ZNF385D: variants seen among roughly 807,000 people sequenced by gnomAD.
ZNF385D encodes the protein zinc finger protein 659.
In ZNF385D, 15 loss-of-function variants were observed where a neutral mutation model predicts 35.8. The observed-to-expected ratio is 0.42, with a 90% CI of 0.28 to 0.64. ZNF385D has a LOEUF of 0.64. ZNF385D is among the 30% of genes least tolerant of loss of function. ZNF385D has a pLI of 0.23. For missense variants in ZNF385D, 474 were observed against 494.6 expected (o/e 0.96, Z 0.39); for synonymous variants, 212 against 186.8 (o/e 1.13, Z -1.10).
intron 3 of ZNF385D, among the ~76,000 whole-genome samples, chr3:21,993,776 A>G (rs950416251): frequency 6.6e-6 from 1 of 152,214 alleles, no homozygotes; most frequent in African/African-American, 2.4e-5. Flanking sequence ...ATTGCTTCCA[A>G]TGGGACACTG....
intron 3 of ZNF385D, among the ~76,000 whole-genome samples, chr3:21,976,779 T>A (rs1703651050): frequency 6.6e-6 from 1 of 152,172 alleles, no homozygotes; most frequent in Non-Finnish European, 1.5e-5. Context: ...GATCATGAGG[T>A]CAGGAGTTCG....
chr3:21,982,993 A>T (rs2125374838), intron 3 of ZNF385D, among the ~76,000 whole-genome samples: 1 of 152,054 alleles, frequency 6.6e-6, no homozygotes, highest in Admixed American at 6.5e-5. Flanking sequence ...TTGGTTTGCG[A>T]GTATTTTGCT....
At chr3:21,585,426 T>G (rs2063781700) in intron 2 of ZNF385D, among the ~76,000 whole-genome samples, 1 of 152,202 alleles carries the variant, frequency 6.6e-6, no homozygotes, top group Non-Finnish European at 1.5e-5. Context: ...AAATTTCCTT[T>G]GTCTTTTAAG....
chr3:21,473,169 A>G (rs570483053), intron 4 of ZNF385D, among the ~76,000 whole-genome samples: 12 of 152,044 alleles, frequency 7.9e-5, no homozygotes, highest in African/African-American at 2.7e-4. Context: ...TATTGTTTTA[A>G]AAGTGCAACT....
intron 3 of ZNF385D, among the ~76,000 whole-genome samples, chr3:22,111,262 C>T (rs1239669689): frequency 7.6e-6 from 1 of 132,398 alleles, no homozygotes; most frequent in African/African-American, 2.8e-5. Flanking sequence ...TACGAGTATT[C>T]AAGAAAAGAT....
chr3:21,848,503 A>G (rs12489919), intron 3 of ZNF385D, among the ~76,000 whole-genome samples: 1 of 151,702 alleles, frequency 6.6e-6, no homozygotes, highest in Non-Finnish European at 1.5e-5. Context: ...TACCTAAAAT[A>G]AGAAAAAAAG....
intron 3 of ZNF385D, among the ~76,000 whole-genome samples, chr3:21,759,982 G>A (rs1183626193): frequency 3.3e-5 from 5 of 152,138 alleles, no homozygotes; most frequent in African/African-American, 1.2e-4. Flanking sequence ...ATAATTCTGT[G>A]CCTCCAGTCA....
At chr3:21,772,431 A>G (rs964802129) in intron 3 of ZNF385D, among the ~76,000 whole-genome samples, 8 of 151,998 alleles carry the variant, frequency 5.3e-5, no homozygotes, top group African/African-American at 1.7e-4. Context: ...ACTTGAATAA[A>G]TATTTTTCCA....
chr3:21,640,248 T>C (rs1212911554), intron 2 of ZNF385D, among the ~76,000 whole-genome samples: 3 of 152,054 alleles, frequency 2.0e-5, no homozygotes, highest in African/African-American at 7.2e-5. Context: ...GGCCTTGTTC[T>C]TTGGTTCCCT....
chr3:22,332,176 T>C (rs1410481698), intron 2 of ZNF385D, among the ~76,000 whole-genome samples: 1 of 152,160 alleles, frequency 6.6e-6, no homozygotes, highest in Non-Finnish European at 1.5e-5. Context: ...ATGCAGGATG[T>C]GTTTATTGTT....
chr3:21,905,227 A>C (rs911148585), intron 3 of ZNF385D, among the ~76,000 whole-genome samples: 1 of 147,074 alleles, frequency 6.8e-6, no homozygotes, highest in Non-Finnish European at 1.5e-5. Context: ...AAAAAAAAAA[A>C]ACCCTAAACC....
intron 3 of ZNF385D, among the ~76,000 whole-genome samples, chr3:22,008,166 T>G (rs1209921241): frequency 1.3e-5 from 2 of 152,102 alleles, no homozygotes. Flanking sequence ...GAACCGAAGC[T>G]CCTCATAAAA....
chr3:22,165,886 T>C (rs1009363359), intron 3 of ZNF385D, among the ~76,000 whole-genome samples: 1 of 152,200 alleles, frequency 6.6e-6, no homozygotes, highest in African/African-American at 2.4e-5. Flanking sequence ...ACTTCAAGTA[T>C]CATCACTTTC....
intron 2 of ZNF385D, among the ~76,000 whole-genome samples, chr3:22,229,712 C>T (rs149524748): frequency 1.3e-5 from 2 of 152,190 alleles, no homozygotes; most frequent in African/African-American, 4.8e-5. Context: ...TGGACGACCA[C>T]CTACAGCAAT....
In ZNF385D at chr3:22,174,372, G is replaced by A. The variant is rs147484702; in HGVS notation, c.107-5337C>T. On this transcript the variant is annotated intron_variant, in intron 2 of 5. Coordinates refer to the ZNF385D transcript ENST00000494108. ...GAATCTCAAGTTTCTAAGACAATCT[G>A]AATTGACAATGAAACGTCTGTAGAT... 1.7e-3 allele frequency among the ~76,000 whole-genome samples: 252 copies of A among 152,218 alleles called. 3 individuals are homozygous for A. The highest frequency in any genetic ancestry group is 9.5e-3 in the East Asian group (49 of 5,180).
At chr3:21,592,708 T>C (rs1003586726) in intron 2 of ZNF385D, among the ~76,000 whole-genome samples, 6 of 152,190 alleles carry the variant, frequency 3.9e-5, no homozygotes, top group African/African-American at 1.4e-4. Context: ...GAATGGCAAC[T>C]TCTGTTTTAG....
At chr3:21,863,811 T>G (rs1014654119) in intron 3 of ZNF385D, among the ~76,000 whole-genome samples, 5 of 152,138 alleles carry the variant, frequency 3.3e-5, no homozygotes, top group Non-Finnish European at 7.4e-5. Flanking sequence ...ACTCTATTAG[T>G]GTATCTGTGC....
At chr3:21,691,069 T>C (rs2067268058) in intron 1 of ZNF385D, among the ~76,000 whole-genome samples, 1 of 152,132 alleles carries the variant, frequency 6.6e-6, no homozygotes, top group African/African-American at 2.4e-5. Context: ...TTCCTTTCTT[T>C]CCGCTCTAGC....
rs1352626834 is a variant in ZNF385D, at chr3:21,423,950, A to C, written c.954+13T>G. The C allele has an allele frequency of 6.2e-7, 1 of 1,604,862 alleles. No individual in the cohort carries two copies. Among genetic ancestry groups the C allele is most frequent in the African/African-American group, 1.3e-5 (1 of 74,470 alleles). On this transcript the variant is annotated intron_variant, in intron 7 of 7. Transcript: ENST00000281523. The stretch of plus-strand genomic sequence containing the variant: ...TGGGAATAGAGGCTGGACTCTTGCA[A>C]AATGACACTCACCCCCAGTGGATGT...
Sources: gnomAD v4.1 joint callset for allele counts (sites outside exome capture counted in the v4.1 genomes callset) on GRCh38, gnomAD v4.1.1 for gene constraint, MANE v1.5 for transcripts, NCBI Gene and HGNC (gene_info 2026-07-23, HGNC 2026-07-21) for gene names.